CSMD3: variants seen among roughly 807,000 people sequenced by gnomAD.
CSMD3 encodes the protein CUB and Sushi multiple domains 3.
CSMD3 carries 177 observed loss-of-function variants against 435.2 expected under a neutral mutation model. The observed-to-expected ratio is 0.41, with a 90% CI of 0.36 to 0.46. The LOEUF is 0.46. CSMD3 is among the 20% of genes least tolerant of loss of function. The pLI, the probability that CSMD3 is intolerant of heterozygous loss-of-function variation, is 0.34. For missense variants in CSMD3, 4,265 were observed against 4,504.6 expected (o/e 0.95, Z 1.52); for synonymous variants, 1,656 against 1,520.5 (o/e 1.09, Z -2.07).
rs368028091 is a variant in CSMD3 at position 113,019,197 on chromosome 8, A to G, written c.918-18T>C. The G allele has an allele frequency of 7.9e-5, 122 of 1,542,256 alleles. No homozygotes were observed. The highest frequency in any genetic ancestry group is 4.4e-5 in the Non-Finnish European group (49 of 1,114,832). On this transcript the variant is annotated intron_variant, in intron 5 of 70. Transcript: ENST00000297405. ...CAGATAACCTGAATTACAAAAGACA[A>G]CAACAAAAAAATTTAAAAAGCTTTT...
chr8:112,976,235 T>C, intron 6 of CSMD3, 87 bp from the exon 7 acceptor site: 3 of 1,423,182 alleles, frequency 2.1e-6, no homozygotes, highest in Non-Finnish European at 2.9e-6. Flanking sequence ...TCATATTCTC[T>C]TCTATTACCT....
chr8:112,697,596 G>T (rs955489170), intron 13 of CSMD3, among the ~76,000 whole-genome samples: 9 of 151,870 alleles, frequency 5.9e-5, no homozygotes, highest in Non-Finnish European at 1.5e-5. Context: ...TGTGGGGTGG[G>T]GGCAGGGGGG....
rs141945136 is a variant in CSMD3 at position 112,963,558 on chromosome 8, C to A, written c.1343-8797G>T. Reference sequence around the variant, plus strand: ...ATCATCCTACCATTGGTTGTTCACTCATTTCTTAGAAAATGTTTTGAAAAT... The same window carrying A: ...ATCATCCTACCATTGGTTGTTCACTAATTTCTTAGAAAATGTTTTGAAAAT... On this transcript the variant is annotated intron_variant, in intron 7 of 70. Transcript: ENST00000297405. Among the ~76,000 whole-genome samples the A allele has an allele frequency of 4.0e-3, 601 of 151,974 alleles. 2 individuals are homozygous for A. The highest frequency in any genetic ancestry group is 3.6e-3 in the Admixed American group (54 of 15,210).
chr8:112,410,666 A>ATATATATGTG (rs1832318030), intron 32 of CSMD3, among the ~76,000 whole-genome samples: 1 of 118,696 alleles, frequency 8.4e-6, no homozygotes, highest in African/African-American at 3.0e-5. Context: ...ATATATGTAT[A>ATATATATGTG]TATATATGTG....
chr8:112,601,556 C>G (rs1287101581), intron 22 of CSMD3, among the ~76,000 whole-genome samples: 1 of 152,090 alleles, frequency 6.6e-6, no homozygotes, highest in Admixed American at 6.6e-5. Context: ...ATAATCTGCA[C>G]AGGTTTAAGG....
At chr8:112,345,890 T>C (rs1051086485) in intron 41 of CSMD3, among the ~76,000 whole-genome samples, 6 of 152,138 alleles carry the variant, frequency 3.9e-5, no homozygotes, top group African/African-American at 7.2e-5. Context: ...CCATATACCT[T>C]CAATTATCCA....
At chr8:112,794,196 G>T (rs1242270351) in intron 13 of CSMD3, among the ~76,000 whole-genome samples, 1 of 148,944 alleles carries the variant, frequency 6.7e-6, no homozygotes, top group Admixed American at 6.7e-5. Flanking sequence ...ATCACCAAGT[G>T]AAATCACCCT....
chr8:113,172,441 G>A (rs771447075), intron 4 of CSMD3, among the ~76,000 whole-genome samples: 170 of 152,274 alleles, frequency 1.1e-3, no homozygotes, highest in Non-Finnish European at 2.0e-3. Context: ...TGTGGTAGCC[G>A]TAGTAGTTGA....
intron 9 of CSMD3, among the ~76,000 whole-genome samples, chr8:112,945,620 G>A (rs1343191439): frequency 6.7e-6 from 1 of 148,324 alleles, no homozygotes; most frequent in African/African-American, 2.5e-5. Context: ...GTGTGTGTGT[G>A]TGTGTATAAT....
At chr8:113,103,073 T>G (rs2090375759) in intron 4 of CSMD3, among the ~76,000 whole-genome samples, 1 of 152,180 alleles carries the variant, frequency 6.6e-6, no homozygotes, top group Admixed American at 6.6e-5. Flanking sequence ...TCTCATTATC[T>G]TCAAAAGATT....
At chr8:112,250,474 T>C (rs931442057) in intron 63 of CSMD3, among the ~76,000 whole-genome samples, 1 of 151,550 alleles carries the variant, frequency 6.6e-6, no homozygotes, top group Non-Finnish European at 1.5e-5. Context: ...TAAATATCAG[T>C]GCATTAATAA....
At chr8:112,786,348 G>T (rs553453794) in intron 13 of CSMD3, among the ~76,000 whole-genome samples, 40 of 152,172 alleles carry the variant, frequency 2.6e-4, no homozygotes, top group Middle Eastern at 3.4e-3. Flanking sequence ...AAACTCTCAG[G>T]ACATTGGTCT....
chr8:112,288,388 TA>T (rs1253666791), intron 57 of CSMD3, among the ~76,000 whole-genome samples: 4 of 152,072 alleles, frequency 2.6e-5, no homozygotes, highest in African/African-American at 9.7e-5. Flanking sequence ...ATAGTTACAT[TA>T]AAAATGATAG....
chr8:112,963,604 G>A (rs905363043), intron 7 of CSMD3, among the ~76,000 whole-genome samples: 32 of 151,840 alleles, frequency 2.1e-4, no homozygotes, highest in Non-Finnish European at 4.1e-4. Context: ...CAACTGTGCT[G>A]TTTTCTAGCA....
chr8:113,152,261 G>A (rs746464033), intron 4 of CSMD3, among the ~76,000 whole-genome samples: 58 of 151,916 alleles, frequency 3.8e-4, no homozygotes, highest in Non-Finnish European at 4.3e-4. Context: ...GAAACAGCAA[G>A]AGATCTATAG....
intron 32 of CSMD3, among the ~76,000 whole-genome samples, chr8:112,424,060 T>C (rs768120672): frequency 6.6e-6 from 1 of 152,172 alleles, no homozygotes; most frequent in East Asian, 1.9e-4. Context: ...AAAGAAGCTG[T>C]GTGAAAAATG....
chr8:112,334,951 AAG>A (rs1824420129), intron 45 of CSMD3, among the ~76,000 whole-genome samples: 1 of 152,178 alleles, frequency 6.6e-6, no homozygotes, highest in Non-Finnish European at 1.5e-5. Flanking sequence ...CAATTTTAGA[AAG>A]AGTCACAGCA....
intron 11 of CSMD3, among the ~76,000 whole-genome samples, chr8:112,830,953 A>C (rs2079853817): frequency 6.6e-6 from 1 of 151,462 alleles, no homozygotes; most frequent in African/African-American, 2.4e-5. Context: ...TGCCTGGCTA[A>C]TTTTTTTGTA....
intron 13 of CSMD3, 82 bp downstream of exon 13, chr8:112,800,076 ATTTT>A: frequency 1.1e-6 from 1 of 901,494 alleles, no homozygotes; most frequent in South Asian, 1.3e-5. Flanking sequence ...AAAACTTTTA[ATTTT>A]GTAGATGCAA....
Sources: gnomAD v4.1 joint callset for allele counts (sites outside exome capture counted in the v4.1 genomes callset) on GRCh38, gnomAD v4.1.1 for gene constraint, MANE v1.5 for transcripts, NCBI Gene and HGNC (gene_info 2026-07-23, HGNC 2026-07-21) for gene names.